Variants in ZCWPW1 observed in about 807,000 individuals in gnomAD.
ZCWPW1 encodes the protein zinc finger CW-type and PWWP domain containing 1.
ZCWPW1 carries 56 observed loss-of-function variants against 81.3 expected under a neutral mutation model. The observed-to-expected ratio is 0.69, with a 90% CI of 0.56 to 0.86. The LOEUF is 0.86. Among genes scored for constraint, ZCWPW1 ranks in the 40% least tolerant of loss-of-function variants. ZCWPW1 has a pLI of 0.00. For missense variants in ZCWPW1, 650 were observed against 769.8 expected (o/e 0.84, Z 1.84); for synonymous variants, 250 against 273.7 (o/e 0.91, Z 0.86).
chr7:100,426,860 T>C (rs1224025051), intron 1 of ZCWPW1, among the ~76,000 whole-genome samples: 1 of 59,570 alleles, frequency 1.7e-5, no homozygotes, highest in Non-Finnish European at 3.2e-5. Context: ...CTCTCCTTCC[T>C]ACCCCCCTCC....
At chr7:100,406,033 C>A (rs1792930467) in intron 12 of ZCWPW1, among the ~76,000 whole-genome samples, 1 of 152,182 alleles carries the variant, frequency 6.6e-6, no homozygotes, top group Admixed American at 6.5e-5. Flanking sequence ...AAGCTTCTGA[C>A]AAGTTCCTTT....
At chr7:100,412,743 G>A (rs955774542) in intron 8 of ZCWPW1, among the ~76,000 whole-genome samples, 1 of 151,784 alleles carries the variant, frequency 6.6e-6, no homozygotes, top group African/African-American at 2.4e-5. Flanking sequence ...TACCACACCC[G>A]GCTAATTTTT....
intron 3 of ZCWPW1, 99 bp downstream of exon 3, chr7:100,420,523 A>G: frequency 1.4e-6 from 2 of 1,442,592 alleles, no homozygotes; most frequent in East Asian, 2.3e-5. Context: ...GAGTGGGCAC[A>G]GAATATAGGG....
At chr7:100,402,083 A>G (rs375415919) in intron 16 of ZCWPW1, 42 bp from the exon 17 acceptor site, 7 of 1,570,712 alleles carry the variant, frequency 4.5e-6, no homozygotes, top group African/African-American at 1.4e-5. Flanking sequence ...CTAAACGACA[A>G]CTCGGCAAGG....
chr7:100,416,969 T>C, intron 6 of ZCWPW1, 97 bp downstream of exon 6: 3 of 922,334 alleles, frequency 3.3e-6, no homozygotes, highest in Admixed American at 2.4e-5. Flanking sequence ...AAAAGAAATA[T>C]GATAAATGAC....
rs1026493016 is a variant in ZCWPW1 at position 100,417,923 on chromosome 7, C to G, written c.362-740G>C. ...TTTTTGAGACAGAGTCTTGCTCTGT[C>G]GCCCAGGCTGGAGTGAGGTGGCGAA... On this transcript the variant is annotated intron_variant, in intron 5 of 17. Transcript: ENST00000684423. Among the ~76,000 whole-genome samples, 3 of 151,638 alleles carry G rather than the reference C, an allele frequency of 2.0e-5. No individual in the cohort carries two copies. In the South Asian group the frequency reaches 6.3e-4, roughly 32 times the overall value.
At chr7:100,402,473 C>T (rs774660658) in intron 16 of ZCWPW1, 43 bp downstream of exon 16, 2 of 1,607,198 alleles carry the variant, frequency 1.2e-6, no homozygotes, top group South Asian at 2.2e-5. Flanking sequence ...CACTTCCCTG[C>T]CTTAACTGTG....
chr7:100,423,268 G>C (rs1165263845), intron 2 of ZCWPW1, among the ~76,000 whole-genome samples: 1 of 152,088 alleles, frequency 6.6e-6, no homozygotes, highest in Non-Finnish European at 1.5e-5. Context: ...CTTGTTTCTG[G>C]CTGTTGGCTT....
At chr7:100,404,569 A>AGGCT (rs1563130053) in intron 13 of ZCWPW1, among the ~76,000 whole-genome samples, 1 of 152,022 alleles carries the variant, frequency 6.6e-6, no homozygotes, top group Non-Finnish European at 1.5e-5. Flanking sequence ...CGTGTTGCCT[A>AGGCT]GGCTGGTCTT....
At chr7:100,416,945 C>T in intron 6 of ZCWPW1, 121 bp downstream of exon 6, 1 of 583,470 alleles carries the variant, frequency 1.7e-6, no homozygotes, top group Admixed American at 3.6e-5. Context: ...GACTCCGTCT[C>T]AAAAAAAAAA....
At chr7:100,423,123 C>G (rs1796637884) in intron 2 of ZCWPW1, among the ~76,000 whole-genome samples, 1 of 152,092 alleles carries the variant, frequency 6.6e-6, no homozygotes, top group Non-Finnish European at 1.5e-5. Flanking sequence ...CCCCTTTCTA[C>G]AGATAAAAAA....
intron 16 of ZCWPW1, 37 bp from the exon 17 acceptor site, chr7:100,402,078 C>T (rs748253165): frequency 8.9e-6 from 14 of 1,575,040 alleles, no homozygotes; most frequent in Admixed American, 1.8e-5. Flanking sequence ...TCTCTCTAAA[C>T]GACAACTCGG....
chr7:100,409,251 A>G (rs997775587), intron 9 of ZCWPW1, among the ~76,000 whole-genome samples, 177 bp downstream of exon 9: 1 of 152,146 alleles, frequency 6.6e-6, no homozygotes, highest in Non-Finnish European at 1.5e-5. Context: ...ATCTTCCTCC[A>G]GCCTTTTCTG....
chr7:100,416,235 T>C (rs1795188399), intron 7 of ZCWPW1, 70 bp downstream of exon 7: 7 of 1,595,752 alleles, frequency 4.4e-6, no homozygotes, highest in Non-Finnish European at 6.0e-6. Context: ...AGCCTGCCCA[T>C]GGTCCCATTC....
At position 100,408,523 on chromosome 7, in the gene ZCWPW1, T is replaced by G. The variant is rs1388872917; in HGVS notation, c.992+16A>C. On this transcript the variant is annotated intron_variant, in intron 10 of 17. Coordinates refer to ENST00000684423, the MANE Select transcript of ZCWPW1 (RefSeq NM_001386010.1). ...AAGTTTGTGAAGGATGCTCTGACTG[T>G]GTCATAATGCCCTACCAGGGGTAAC... 6.2e-7 allele frequency: 1 copy of G among 1,609,772 alleles called. No individual in the cohort carries two copies. The highest frequency in any genetic ancestry group is 1.3e-5 in the African/African-American group (1 of 74,726).
intron 8 of ZCWPW1, among the ~76,000 whole-genome samples, chr7:100,411,476 C>T (rs1417584015): frequency 6.6e-6 from 1 of 152,012 alleles, no homozygotes; most frequent in Non-Finnish European, 1.5e-5. Flanking sequence ...CCCATGTTGC[C>T]CAGGCTGGTC....
chr7:100,428,574 A>G lies in ZCWPW1; in HGVS notation c.-143T>C, dbSNP rs1350633577. 6.6e-6 allele frequency: 1 copy of G among 152,172 alleles called. No individual in the cohort carries two copies. The highest frequency in any genetic ancestry group is 1.5e-5 in the Non-Finnish European group (1 of 68,250). 9.4% of individuals were successfully genotyped at this position (152,172 alleles called of 1,614,324 possible). On this transcript the variant is annotated 5_prime_UTR_variant, in exon 1 of 18. Coordinates refer to ENST00000684423, the MANE Select transcript of ZCWPW1 (RefSeq NM_001386010.1). ...GTCTCCTTCACGCCCTCACCTTAGG[A>G]TTTTGAGACTCTCCTGGACCCCACT... is the stretch of plus-strand genomic sequence containing the variant.
rs1795148951 is a variant in ZCWPW1, at chr7:100,416,014, G to A, written c.715C>T (p.Gln239Ter). The A allele has an allele frequency of 6.2e-7, 1 of 1,614,130 alleles. No individual in the cohort carries two copies. The highest frequency in any genetic ancestry group is 8.5e-7 in the Non-Finnish European group (1 of 1,180,032). ...TCTCCTTTTTGCTGGTCCCTGATCTGAGAATGATCCTGAACTGTTTTCTTT... is the reference window on the plus strand; with the variant it reads ...TCTCCTTTTTGCTGGTCCCTGATCTAAGAATGATCCTGAACTGTTTTCTTT... ...RLKKTVQDHS[Q>*]IRDQQKGEIS... Residue 239 changes from glutamine (Q) to a stop codon, truncating the protein, a stop_gained, in exon 8 of 18, where the codon CAG becomes TAG. Transcript: ENST00000684423. LOFTEE classifies it high-confidence loss of function.
At position 100,401,920 on chromosome 7, in the gene ZCWPW1, T is replaced by G. The variant is rs1791987519; in HGVS notation, c.1596A>C (p.Glu532Asp). The part of the protein sequence containing the change: ...APPAPRMGRK[E>D]GQGNSDSDQP... ...GGTCAGAATCTGAATTCCCTTGGCC[T>G]TCTTTCCTTCCCATTCTGGGTGCAG... The change falls in exon 17 of 18, where the codon GAA becomes GAC. Residue 532 changes from glutamate (E) to aspartate (D), a missense_variant. Physicochemically the swap from Glu to Asp is conservative, Grantham distance 45. Transcript: ENST00000684423. The G allele has an allele frequency of 6.2e-7, 1 of 1,614,050 alleles. No homozygotes were observed. The highest frequency in any genetic ancestry group is 2.2e-5 in the East Asian group (1 of 44,888).
Sources: gnomAD v4.1 joint callset for allele counts (sites outside exome capture counted in the v4.1 genomes callset) on GRCh38, gnomAD v4.1.1 for gene constraint, MANE v1.5 for transcripts, NCBI Gene and HGNC (gene_info 2026-07-23, HGNC 2026-07-21) for gene names.